The following ASH1L variants were observed in gnomAD, a reference collection of about 807,000 sequenced individuals.
The protein encoded by ASH1L is ASH1 like histone lysine methyltransferase.
A neutral mutation model predicts 269.0 loss-of-function variants in ASH1L; 23 were observed. The observed-to-expected ratio is 0.09, with a 90% CI of 0.06 to 0.12. The LOEUF is 0.12. Among genes scored for constraint, ASH1L ranks in the 10% least tolerant of loss-of-function variants. ASH1L has a pLI of 1.00. For missense variants in ASH1L, 2,912 were observed against 3,567.8 expected (o/e 0.82, Z 4.68); for synonymous variants, 1,187 against 1,253.5 (o/e 0.95, Z 1.12).
intron 5 of ASH1L, among the ~76,000 whole-genome samples, chr1:155,420,364 A>G (rs1456792571): frequency 1.5e-5 from 2 of 131,040 alleles, no homozygotes; most frequent in Non-Finnish European, 3.3e-5. Flanking sequence ...ACTCCATCTC[A>G]AAAAAAAAAA....
chr1:155,426,565 T>C (rs1661175016), intron 5 of ASH1L, among the ~76,000 whole-genome samples: 1 of 152,118 alleles, frequency 6.6e-6, no homozygotes, highest in African/African-American at 2.4e-5. Context: ...GTCTCGAACT[T>C]CTGACCTCAG....
At chr1:155,341,369 G>C (rs534607129) in intron 25 of ASH1L, among the ~76,000 whole-genome samples, 9 of 152,176 alleles carry the variant, frequency 5.9e-5, no homozygotes, top group African/African-American at 2.2e-4. Context: ...GTAGAGAGGG[G>C]GTTTCACCGT....
At position 155,481,349 on chromosome 1, in the gene ASH1L, T is replaced by A. The variant is rs569190287; in HGVS notation, c.1521A>T (p.Ser507=). 1 of 1,614,082 alleles carries A rather than the reference T, an allele frequency of 6.2e-7. No individual in the cohort carries two copies. The highest frequency in any genetic ancestry group is 1.1e-5 in the South Asian group (1 of 91,078). Reference sequence around the variant, plus strand: ...TTTCATAAGATCCCTTTTCACTGGATGAGAAACTGTCTTGCTGAATGCATG... The same window carrying A: ...TTTCATAAGATCCCTTTTCACTGGAAGAGAAACTGTCTTGCTGAATGCATG... ...EGTCIQQDSF[S]SSEKGSYETS... is the part of the protein sequence containing the mutation. The change falls in exon 3 of 28, where the codon TCA becomes TCT. Residue 507 remains serine (S), a synonymous_variant. Transcript: ENST00000392403.
intron 6 of ASH1L, among the ~76,000 whole-genome samples, chr1:155,414,668 T>C (rs1008501989): frequency 6.6e-6 from 1 of 152,196 alleles, no homozygotes; most frequent in African/African-American, 2.4e-5. Context: ...ATGTTCCTCA[T>C]CATATAATGC....
At position 155,336,291 on chromosome 1, in the gene ASH1L, T is replaced by C. The variant is rs1652304776; in HGVS notation, c.*1369A>G. 1 of 151,868 alleles carries C rather than the reference T, an allele frequency of 6.6e-6. No individual in the cohort carries two copies. Among genetic ancestry groups the C allele is most frequent in the South Asian group, 2.1e-4 (1 of 4,790 alleles). 9.4% of individuals were successfully genotyped at this position (151,868 alleles called of 1,614,324 possible). ...TTGGTCCAATATTAGAAAAAAGTAA[T>C]GGGGACATGTTTACTATTGTATTGC... On this transcript the variant is annotated 3_prime_UTR_variant, in exon 28 of 28. Coordinates refer to ENST00000392403, the MANE Select transcript of ASH1L (RefSeq NM_018489.3).
At chr1:155,408,583 G>A (rs1279701700) in intron 6 of ASH1L, among the ~76,000 whole-genome samples, 2 of 152,080 alleles carry the variant, frequency 1.3e-5, no homozygotes, top group Non-Finnish European at 1.5e-5. Context: ...TCACTACTCC[G>A]AACAGCAGAA....
chr1:155,551,783 C>T (rs907177716), intron 1 of ASH1L, among the ~76,000 whole-genome samples: 1 of 142,178 alleles, frequency 7.0e-6, no homozygotes, highest in African/African-American at 2.6e-5. Flanking sequence ...GCCTGGCCAA[C>T]ATGGTGAAAC....
intron 2 of ASH1L, among the ~76,000 whole-genome samples, chr1:155,520,510 C>T (rs886400414): frequency 6.6e-5 from 10 of 151,296 alleles, no homozygotes; most frequent in South Asian, 2.1e-4. Flanking sequence ...TCTCTTTTTT[C>T]GGTCAGACAC....
At chr1:155,425,029 G>A (rs1026056269) in intron 5 of ASH1L, among the ~76,000 whole-genome samples, 1 of 151,874 alleles carries the variant, frequency 6.6e-6, no homozygotes, top group South Asian at 2.1e-4. Context: ...GAGTGCATTG[G>A]AGCAACATCA....
At chr1:155,409,151 A>G (rs994487912) in intron 6 of ASH1L, among the ~76,000 whole-genome samples, 1 of 152,018 alleles carries the variant, frequency 6.6e-6, no homozygotes, top group Admixed American at 6.6e-5. Flanking sequence ...CAGCCTCCCA[A>G]ATAGCTGGGA....
chr1:155,558,431 G>A (rs1283483699), intron 1 of ASH1L, among the ~76,000 whole-genome samples: 2 of 151,946 alleles, frequency 1.3e-5, no homozygotes, highest in African/African-American at 4.8e-5. Context: ...AGATCGCGCT[G>A]TTGCACTCTA....
intron 10 of ASH1L, among the ~76,000 whole-genome samples, chr1:155,377,947 C>T (rs182418189): frequency 7.1e-4 from 108 of 151,380 alleles, no homozygotes; most frequent in African/African-American, 2.6e-3. Flanking sequence ...GGTGTGAACC[C>T]GGGAGGCGGA....
chr1:155,392,567 C>T (rs1463385550), intron 7 of ASH1L, among the ~76,000 whole-genome samples: 2 of 152,130 alleles, frequency 1.3e-5, no homozygotes, highest in African/African-American at 4.8e-5. Flanking sequence ...CGGCTCTCTG[C>T]AACCTCTGCC....
intron 1 of ASH1L, among the ~76,000 whole-genome samples, chr1:155,536,056 G>A (rs1025803881): frequency 6.6e-6 from 1 of 151,838 alleles, no homozygotes; most frequent in Non-Finnish European, 1.5e-5. Flanking sequence ...AATTTGTGCT[G>A]GGCTTCAGAC....
At chr1:155,422,254 A>C (rs1660749569) in intron 5 of ASH1L, among the ~76,000 whole-genome samples, 1 of 149,892 alleles carries the variant, frequency 6.7e-6, no homozygotes, top group Non-Finnish European at 1.5e-5. Flanking sequence ...CTCCTGCCTC[A>C]GCCTCCCGAG....
rs149687163 is a variant in ASH1L at position 155,469,302 on chromosome 1, C to T, written c.4984+8584G>A. Among the ~76,000 whole-genome samples, 416 of 152,256 alleles carry T rather than the reference C, an allele frequency of 2.7e-3. 1 individual carries two copies. The highest frequency in any genetic ancestry group is 5.0e-3 in the Non-Finnish European group (338 of 68,030). ...GGTTCAAGCAATTCTCCTGCCTCAG[C>T]CTCCTGAATAGCTGGGATTATAGGC... is the stretch of plus-strand genomic sequence containing the variant. On this transcript the variant is annotated intron_variant, in intron 3 of 27. Coordinates refer to ENST00000392403, the MANE Select transcript of ASH1L (RefSeq NM_018489.3).
At chr1:155,561,728 C>A (rs1671979513) in intron 1 of ASH1L, among the ~76,000 whole-genome samples, 1 of 152,066 alleles carries the variant, frequency 6.6e-6, no homozygotes, top group African/African-American at 2.4e-5. Context: ...CCTGTCGTTC[C>A]CACATACCGT....
chr1:155,423,816 A>G (rs553881029), intron 5 of ASH1L, among the ~76,000 whole-genome samples: 9 of 151,954 alleles, frequency 5.9e-5, no homozygotes, highest in African/African-American at 2.2e-4. Flanking sequence ...TGCAACCTCC[A>G]CCTCCCAGGT....
chr1:155,343,168 G>A lies in ASH1L; in HGVS notation c.8293+146C>T. ...TACACTGCCATGCCCAGCTACAGAG[G>A]CAGAGTTTTGCCACGTTGGCCAGGC... On this transcript the variant is annotated intron_variant, in intron 24 of 27. Transcript: ENST00000392403. The surrounding 1 kb of genome is among the most constrained non-coding windows in gnomAD (Gnocchi z 6.1). 1.7e-5 allele frequency: 13 copies of A among 767,460 alleles called. No individual in the cohort carries two copies. Among genetic ancestry groups the A allele is most frequent in the Non-Finnish European group, 2.7e-5 (13 of 484,224 alleles). 47.5% of individuals were successfully genotyped at this position (767,460 alleles called of 1,614,324 possible). A position where few individuals can be genotyped will look rare whatever the true frequency, so the allele number is the denominator to read the frequency against.
Sources: allele counts gnomAD v4.1 joint callset (sites outside exome capture counted in the v4.1 genomes callset), GRCh38; gene constraint gnomAD v4.1.1; non-coding constraint Gnocchi (gnomAD v3.1); transcripts MANE v1.5; gene names NCBI Gene and HGNC (gene_info 2026-07-23, HGNC 2026-07-21).